MARCO: variants seen among roughly 807,000 people sequenced by gnomAD.
MARCO encodes macrophage receptor MARCO.
A neutral mutation model predicts 70.0 loss-of-function variants in MARCO; 72 were observed. That is an observed-to-expected ratio of 1.03 (90% CI 0.85 to 1.25). The LOEUF (loss-of-function observed/expected upper bound fraction) is 1.25, where lower values mean the gene tolerates loss of function less well. MARCO is among the 50% of genes most tolerant of loss of function. MARCO has a pLI of 0.00. For synonymous variants in MARCO, 273 were observed against 243.1 expected, an observed-to-expected ratio of 1.12 and a Z score of -1.14; for missense variants, 696 against 659.3, an observed-to-expected ratio of 1.06 and a Z score of -0.61.
chr2:118,983,058 C>T (rs1311752082), intron 12 of MARCO, among the ~76,000 whole-genome samples: 1 of 152,204 alleles, frequency 6.6e-6, no homozygotes, highest in Non-Finnish European at 1.5e-5. Flanking sequence ...TGCCTTTCTG[C>T]CCTGACATGC....
At chr2:118,964,376 C>G (rs570260718) in intron 1 of MARCO, among the ~76,000 whole-genome samples, 11 of 152,074 alleles carry the variant, frequency 7.2e-5, no homozygotes, top group African/African-American at 1.4e-4. Flanking sequence ...GTTAGGGGAA[C>G]CTCCTCTAGT....
At position 118,972,956 on chromosome 2, in the gene MARCO, C is replaced by G. The variant is rs2011745; in HGVS notation, c.461-1377C>G. On this transcript the variant is annotated intron_variant, in intron 4 of 16. Coordinates refer to ENST00000327097, the MANE Select transcript of MARCO (RefSeq NM_006770.4). ...ATGGCTTCTATGGCTCTCTCTCTCT[C>G]TGTATGAATATAGATGTGCGTACAT... Among the ~76,000 whole-genome samples the G allele has an allele frequency of 1.7e-4, 26 of 152,312 alleles. No individual in the cohort carries two copies. The East Asian group carries it at 5.0e-3, about 29-fold the overall frequency.
intron 1 of MARCO, among the ~76,000 whole-genome samples, chr2:118,946,625 A>G (rs1679606463): frequency 7.3e-6 from 1 of 136,852 alleles, no homozygotes; most frequent in Non-Finnish European, 1.5e-5. Flanking sequence ...TAAAGTTGCC[A>G]TGACCATTTC....
chr2:118,946,065 CAG>C (rs1226520894), intron 1 of MARCO, among the ~76,000 whole-genome samples: 1 of 152,162 alleles, frequency 6.6e-6, no homozygotes, highest in Non-Finnish European at 1.5e-5. Context: ...GGCTTTATTG[CAG>C]AGTTTAGTCT....
chr2:118,955,495 A>G (rs903359855), intron 1 of MARCO, among the ~76,000 whole-genome samples: 1 of 152,216 alleles, frequency 6.6e-6, no homozygotes, highest in Non-Finnish European at 1.5e-5. Flanking sequence ...GTTCCTGAGG[A>G]AAAAGACAAT....
At position 118,982,397 on chromosome 2, in the gene MARCO, C is replaced by T; in HGVS notation, c.1050C>T (p.Ser350=). 6.2e-7 allele frequency: 1 copy of T among 1,613,944 alleles called. No individual in the cohort carries two copies. Among genetic ancestry groups the T allele is most frequent in the Non-Finnish European group, 8.5e-7 (1 of 1,179,924 alleles). Residue 350 remains serine, a synonymous_variant, in exon 12 of 17, where the codon AGC becomes AGT. Transcript: ENST00000327097. ...CAGGAGCCACAGGCCTGAAAGGAAG[C>T]AAAGGGGACACAGGTAACAGAGGGT... ...GSPGATGLKG[S]KGDTGLQGQQ... is the part of the protein sequence containing the mutation.
chr2:118,946,513 T>G (rs1679604171), intron 1 of MARCO, among the ~76,000 whole-genome samples: 1 of 152,210 alleles, frequency 6.6e-6, no homozygotes, highest in Non-Finnish European at 1.5e-5. Flanking sequence ...AGTTGGCTCT[T>G]CTTATTGAGT....
intron 3 of MARCO, among the ~76,000 whole-genome samples, chr2:118,971,015 C>T (rs557953329): frequency 6.6e-6 from 1 of 152,240 alleles, no homozygotes; most frequent in Admixed American, 6.5e-5. Context: ...AGCACGGGAC[C>T]CAGGAGGCCA....
intron 3 of MARCO, 46 bp from the exon 4 acceptor site, chr2:118,971,453 A>G (rs1330499136): frequency 6.2e-7 from 1 of 1,606,838 alleles, no homozygotes; most frequent in Non-Finnish European, 8.5e-7. Flanking sequence ...GCTTGGGCCA[A>G]GGGTACCCCA....
Position 118,992,332 on chromosome 2 carries a change from C to A in MARCO, c.1208-100C>A. The A allele has an allele frequency of 4.3e-6, 4 of 923,740 alleles. No homozygotes were observed. The South Asian group carries it at 5.6e-5, about 13-fold the overall frequency. The allele number at this position is 923,740 out of a possible 1,614,324, so 57.2% of individuals were successfully genotyped here. On this transcript the variant is annotated intron_variant, in intron 14 of 16. Transcript: ENST00000327097. ...CAGGCGAGACCCACGGAGCATCTGA[C>A]CACTCCCAACCCTCCACCCGCTCCC...
intron 12 of MARCO, among the ~76,000 whole-genome samples, chr2:118,989,254 G>A (rs1168289641): frequency 6.6e-6 from 1 of 152,206 alleles, no homozygotes; most frequent in Non-Finnish European, 1.5e-5. Context: ...ACAGGTGTGT[G>A]CACAAATGGC....
At chr2:118,977,988 G>C in intron 8 of MARCO, 53 bp downstream of exon 8, 1 of 1,199,242 alleles carries the variant, frequency 8.3e-7, no homozygotes, top group Non-Finnish European at 1.2e-6. Context: ...GAGGGAACTA[G>C]GGCCTGACCT....
At chr2:118,945,380 G>A (rs1679575615) in intron 1 of MARCO, among the ~76,000 whole-genome samples, 1 of 149,444 alleles carries the variant, frequency 6.7e-6, no homozygotes, top group Non-Finnish European at 1.5e-5. Flanking sequence ...GCTGTGCAAT[G>A]TGATCTGTCG....
intron 6 of MARCO, among the ~76,000 whole-genome samples, chr2:118,974,814 G>C (rs1253314367): frequency 6.6e-6 from 1 of 152,154 alleles, no homozygotes; most frequent in African/African-American, 2.4e-5. Context: ...GATGGGGCTG[G>C]GGGGTGTGAC....
At chr2:118,959,629 T>G (rs1679904712) in intron 1 of MARCO, among the ~76,000 whole-genome samples, 1 of 152,226 alleles carries the variant, frequency 6.6e-6, no homozygotes, top group African/African-American at 2.4e-5. Context: ...GCAATCCTAC[T>G]ACTGGGTATC....
At chr2:118,950,863 A>G (rs1195539062) in intron 1 of MARCO, among the ~76,000 whole-genome samples, 2 of 151,982 alleles carry the variant, frequency 1.3e-5, no homozygotes. Flanking sequence ...ATGTCTGTGG[A>G]CTGGACTGTT....
Position 118,974,353 on chromosome 2 carries a change from G to A in MARCO, c.481G>A (p.Ala161Thr), listed in dbSNP as rs146520914. ...CTCAGGTCTTCAAGGTCACAAGGGG[G>A]CCATGGGCATGCCTGGTGCCCCTGG... ...GAPGLQGHKG[A>T]MGMPGAPGPP... Residue 161 changes from alanine to threonine, a missense_variant, in exon 5 of 17, where the codon GCC becomes ACC. By Grantham distance (58) the Ala-to-Thr change is moderately conservative. Around this residue, in one of 3 missense-constraint regions of MARCO, gnomAD observed 605 missense variants for 537.6 expected, o/e 1.13. Transcript: ENST00000327097. 1,784 of 1,604,116 alleles carry A rather than the reference G, an allele frequency of 1.1e-3. 19 individuals carry two copies. In the African/African-American group the frequency reaches 0.021, roughly 19 times the overall value.
chr2:118,942,654 G>GA (rs1411921735), intron 1 of MARCO, among the ~76,000 whole-genome samples: 1 of 151,876 alleles, frequency 6.6e-6, no homozygotes, highest in Non-Finnish European at 1.5e-5. Flanking sequence ...ATTTTCCCTT[G>GA]AAAAAATGCC....
chr2:118,967,067 G>T (rs1029008325), intron 1 of MARCO, among the ~76,000 whole-genome samples: 6 of 152,304 alleles, frequency 3.9e-5, no homozygotes, highest in African/African-American at 1.2e-4. Context: ...CGTTGGTGCT[G>T]GAATACAGCT....
Sources: allele counts gnomAD v4.1 joint callset (sites outside exome capture counted in the v4.1 genomes callset), GRCh38; gene constraint gnomAD v4.1.1; regional missense constraint gnomAD v4.1.1; transcripts MANE v1.5; gene names NCBI Gene and HGNC (gene_info 2026-07-23, HGNC 2026-07-21).